Variants in RCOR1 observed in about 807,000 individuals in gnomAD.
The protein encoded by RCOR1 is REST corepressor 1.
A neutral mutation model predicts 64.0 loss-of-function variants in RCOR1; 12 were observed. That is an observed-to-expected ratio of 0.19 (90% CI 0.12 to 0.30). The LOEUF (loss-of-function observed/expected upper bound fraction) is 0.30. Ranked by LOEUF, RCOR1 falls within the 10% of genes least tolerant of loss-of-function variation. The pLI, the probability that RCOR1 is intolerant of heterozygous loss-of-function variation, is 1.00. For missense variants in RCOR1, 502 were observed against 621.2 expected (o/e 0.81, Z 2.04); for synonymous variants, 279 against 227.2 (o/e 1.23, Z -2.05).
intron 2 of RCOR1, among the ~76,000 whole-genome samples, chr14:102,610,258 T>C (rs2896450): frequency 0.8 from 121,097 of 152,054 alleles, 48,480 homozygotes; most frequent in Middle Eastern, 0.87. Flanking sequence ...TTTGAAAAGT[T>C]TAATCTTTAA....
chr14:102,633,596 A>G (rs1391741426), intron 2 of RCOR1, among the ~76,000 whole-genome samples: 1 of 152,146 alleles, frequency 6.6e-6, no homozygotes, highest in East Asian at 1.9e-4. Context: ...CTAGACTACA[A>G]TGGCATGATC....
intron 7 of RCOR1, among the ~76,000 whole-genome samples, chr14:102,713,904 A>G (rs1896010479): frequency 6.6e-6 from 1 of 152,260 alleles, no homozygotes; most frequent in Non-Finnish European, 1.5e-5. Context: ...TTAACTTGAC[A>G]AGATTTTACT....
At chr14:102,626,775 G>A (rs1893991008) in intron 2 of RCOR1, among the ~76,000 whole-genome samples, 1 of 152,194 alleles carries the variant, frequency 6.6e-6, no homozygotes, top group South Asian at 2.1e-4. Flanking sequence ...CAGATTGCAG[G>A]ATTTTGCTTG....
At position 102,678,607 on chromosome 14, in the gene RCOR1, T is replaced by C. The variant is rs191509087; in HGVS notation, c.362-3288T>C. ...GCTCCCAGCCTGTGTGCAGGTTTTATTGTGAACATATGCTAATTCTGTAGG... is the reference window on the plus strand; with the variant it reads ...GCTCCCAGCCTGTGTGCAGGTTTTACTGTGAACATATGCTAATTCTGTAGG... On this transcript the variant is annotated intron_variant, in intron 2 of 11. Coordinates refer to ENST00000262241, the MANE Select transcript of RCOR1 (RefSeq NM_015156.4). Among the ~76,000 whole-genome samples, 675 of 152,310 alleles carry C rather than the reference T, an allele frequency of 4.4e-3. 3 individuals are homozygous for C. The highest frequency in any genetic ancestry group is 8.2e-3 in the Non-Finnish European group (559 of 68,028).
chr14:102,635,938 TTCTC>T (rs1373034654), intron 2 of RCOR1, among the ~76,000 whole-genome samples: 1 of 151,930 alleles, frequency 6.6e-6, no homozygotes, highest in East Asian at 1.9e-4. Flanking sequence ...ACATAAAAGT[TTCTC>T]CCTCCCTCCC....
rs753680404 is a variant in RCOR1, at chr14:102,729,848, C to T, written c.*3342C>T. 7.0e-5 allele frequency: 28 copies of T among 398,928 alleles called. No individual in the cohort carries two copies. The highest frequency in any genetic ancestry group is 2.6e-4 in the Admixed American group (6 of 22,708). 24.7% of individuals were successfully genotyped at this position (398,928 alleles called of 1,614,324 possible). Reference sequence around the variant, plus strand: ...TAAGGAAAGATGGAGCCAACTCCAACGAGGGCCTCTTTTTCTCTCTTGTCT... The same window carrying T: ...TAAGGAAAGATGGAGCCAACTCCAATGAGGGCCTCTTTTTCTCTCTTGTCT... On this transcript the variant is annotated 3_prime_UTR_variant, in exon 12 of 12. Transcript: ENST00000262241.
chr14:102,722,130 G>A (rs1896179394), intron 10 of RCOR1, 57 bp from the exon 11 acceptor site: 3 of 1,301,564 alleles, frequency 2.3e-6, no homozygotes, highest in Non-Finnish European at 3.3e-6. Flanking sequence ...TGTCACTTGT[G>A]GTTTTAAAAA....
chr14:102,678,070 G>A (rs1362284395), intron 2 of RCOR1, among the ~76,000 whole-genome samples: 4 of 151,396 alleles, frequency 2.6e-5, no homozygotes, highest in Admixed American at 6.6e-5. Context: ...AGGCGTGGCG[G>A]CGCGCGCCTG....
At chr14:102,701,214 T>C (rs1056448300) in intron 3 of RCOR1, 64 bp from the exon 4 acceptor site, 1 of 1,306,946 alleles carries the variant, frequency 7.7e-7, no homozygotes, top group African/African-American at 1.5e-5. Context: ...ATATCAATTC[T>C]AGCAGACCAT....
intron 11 of RCOR1, among the ~76,000 whole-genome samples, chr14:102,724,850 T>G (rs1896230886): frequency 6.6e-6 from 1 of 152,198 alleles, no homozygotes; most frequent in African/African-American, 2.4e-5. Context: ...TTCACCTTTT[T>G]ATTTGTCCTG....
At chr14:102,683,927 G>A (rs975641279) in intron 3 of RCOR1, among the ~76,000 whole-genome samples, 4 of 152,210 alleles carry the variant, frequency 2.6e-5, no homozygotes, top group African/African-American at 4.8e-5. Context: ...AGCAGCAGCC[G>A]AGGTGGGGCT....
chr14:102,675,047 C>CAAAAAA (rs761294133), intron 2 of RCOR1, among the ~76,000 whole-genome samples: 10 of 63,406 alleles, frequency 1.6e-4, no homozygotes, highest in African/African-American at 4.9e-4. Flanking sequence ...GACTCCACCT[C>CAAAAAA]AAAAAAAAAA....
chr14:102,666,838 C>A (rs992642123), intron 2 of RCOR1, among the ~76,000 whole-genome samples: 1 of 152,124 alleles, frequency 6.6e-6, no homozygotes, highest in African/African-American at 2.4e-5. Context: ...ACCAGTGTTG[C>A]CTGGCGGAGT....
chr14:102,600,675 A>G (rs1297284386), intron 2 of RCOR1, among the ~76,000 whole-genome samples: 1 of 137,796 alleles, frequency 7.3e-6, no homozygotes, highest in Non-Finnish European at 1.6e-5. Flanking sequence ...GGTTCACGCC[A>G]TTCTCCTGCC....
At chr14:102,655,335 T>C (rs1436121729) in intron 2 of RCOR1, 1 of 985,162 alleles carries the variant, frequency 1.0e-6, no homozygotes, top group East Asian at 1.1e-4. Context: ...CCTGTTGTAC[T>C]TTACTTTAGA....
intron 2 of RCOR1, among the ~76,000 whole-genome samples, chr14:102,677,888 C>G (rs1895220629): frequency 6.6e-6 from 1 of 151,794 alleles, no homozygotes; most frequent in Non-Finnish European, 1.5e-5. Context: ...GAGATCACGC[C>G]ACTGCACTCC....
At chr14:102,678,559 TG>T (rs1895238490) in intron 2 of RCOR1, among the ~76,000 whole-genome samples, 2 of 152,130 alleles carry the variant, frequency 1.3e-5, no homozygotes, top group South Asian at 4.1e-4. Flanking sequence ...CCCAAAGTGC[TG>T]GGATTACAGG....
At chr14:102,625,261 A>T (rs1595200008) in intron 2 of RCOR1, among the ~76,000 whole-genome samples, 1 of 110,072 alleles carries the variant, frequency 9.1e-6, no homozygotes. Context: ...TTTTTGAGGC[A>T]GAGTTTCACT....
At chr14:102,685,766 A>G (rs1455139867) in intron 3 of RCOR1, among the ~76,000 whole-genome samples, 1 of 152,176 alleles carries the variant, frequency 6.6e-6, no homozygotes, top group African/African-American at 2.4e-5. Flanking sequence ...GTTTGAGACC[A>G]GTCTGGGCAA....
Sources: gnomAD v4.1 joint callset for allele counts (sites outside exome capture counted in the v4.1 genomes callset) on GRCh38, gnomAD v4.1.1 for gene constraint, MANE v1.5 for transcripts, NCBI Gene and HGNC (gene_info 2026-07-23, HGNC 2026-07-21) for gene names.